Variants in IFT27 observed in about 807,000 individuals in gnomAD.
The protein encoded by IFT27 is intraflagellar transport protein 27 homolog.
A neutral mutation model predicts 23.9 loss-of-function variants in IFT27; 19 were observed. The observed-to-expected ratio is 0.79, with a 90% CI of 0.55 to 1.16. The LOEUF (loss-of-function observed/expected upper bound fraction) is 1.16, where lower values mean the gene tolerates loss of function less well. IFT27 is among the 50% of genes most tolerant of loss of function. The pLI is 0.00. For missense variants in IFT27, 206 were observed against 228.7 expected (o/e 0.90, Z 0.64); for synonymous variants, 91 against 89.1 (o/e 1.02, Z -0.12).
At position 36,767,789 on chromosome 22, in the gene IFT27, G is replaced by A. The variant is rs151029677; in HGVS notation, c.108C>T (p.Tyr36=). The A allele has an allele frequency of 1.8e-4, 296 of 1,613,960 alleles. 1 individual carries two copies. The African/African-American group carries it at 3.7e-3, about 20-fold the overall frequency. ...RSDGAHFQKS[Y]TLTTGMDLVV... The stretch of plus-strand genomic sequence containing the variant: ...TCTTGACACCCCAGCTCACCAGGGT[G>A]TAGCTTTTCTGGAAATGGGCTCCAT... The change falls in exon 2 of 7, where the codon TAC becomes TAT. Residue 36 remains tyrosine, a synonymous_variant. Coordinates refer to ENST00000433985, the MANE Select transcript of IFT27 (RefSeq NM_001177701.3).
In IFT27 at chr22:36,767,808, G is replaced by A; in HGVS notation, c.89C>T (p.Ala30Val). ...ALAQIFRSDG[A>V]HFQKSYTLTT... ...CAGGGTGTAGCTTTTCTGGAAATGG[G>A]CTCCATCACTGCGGAAGATCTGTGC... Residue 30 changes from alanine (A) to valine (V), a missense_variant, in exon 2 of 7, where the codon GCC (alanine) becomes GTC (valine). Ala to Val is a moderately conservative substitution (Grantham distance 64). Transcript: ENST00000433985. 2 of 1,614,142 alleles carry A rather than the reference G, an allele frequency of 1.2e-6. No homozygotes were observed. Among genetic ancestry groups the A allele is most frequent in the Non-Finnish European group, 1.7e-6 (2 of 1,180,000 alleles).
At chr22:36,774,358 G>A (rs1235744978) in intron 1 of IFT27, among the ~76,000 whole-genome samples, 2 of 152,154 alleles carry the variant, frequency 1.3e-5, no homozygotes, top group African/African-American at 2.4e-5. Context: ...TCTTTCCTGA[G>A]CTGGCCAGGG....
chr22:36,767,413 G>T, intron 2 of IFT27, 48 bp from the exon 3 acceptor site: 1 of 1,557,606 alleles, frequency 6.4e-7, no homozygotes, highest in South Asian at 1.2e-5. Flanking sequence ...CCCAAAGGGA[G>T]AGCATGTTAC....
chr22:36,758,460 G>A (rs373367496), intron 6 of IFT27, 51 bp from the exon 7 acceptor site: 7 of 1,374,028 alleles, frequency 5.1e-6, no homozygotes, highest in Non-Finnish European at 7.3e-6. Flanking sequence ...AGGGTCAGAG[G>A]GCCAGCTCTC....
chr22:36,770,194 C>A (rs1223814879), intron 1 of IFT27, among the ~76,000 whole-genome samples: 1 of 152,142 alleles, frequency 6.6e-6, no homozygotes, highest in Admixed American at 6.5e-5. Context: ...GGGCACGATG[C>A]GAGATCACCT....
chr22:36,766,594 T>C (rs1471444496), intron 3 of IFT27: 3 of 269,662 alleles, frequency 1.1e-5, no homozygotes, highest in Admixed American at 9.3e-5. Context: ...TTAGAACAAT[T>C]CTTTCTAAAG....
chr22:36,760,486 A>AGGAC (rs1938061087), intron 6 of IFT27: 2 of 152,354 alleles, frequency 1.3e-5, no homozygotes, highest in Admixed American at 1.3e-4. Context: ...TTACACAGTC[A>AGGAC]GGACAGCTGT....
In IFT27 at chr22:36,775,811, G is replaced by A. The variant is rs770175816; in HGVS notation, c.-104C>T. On this transcript the variant is annotated 5_prime_UTR_variant, in exon 1 of 7. Coordinates refer to ENST00000433985, the MANE Select transcript of IFT27 (RefSeq NM_001177701.3). ...TGGGCTGGCCTGGGACGGGAAGGTG[G>A]GGAGGGGAGGGCTGATCTCAAGGGT... is the stretch of plus-strand genomic sequence containing the variant. 1.1e-5 allele frequency: 13 copies of A among 1,144,376 alleles called. No individual in the cohort carries two copies. Among genetic ancestry groups the A allele is most frequent in the Non-Finnish European group, 1.7e-5 (13 of 757,330 alleles). The allele number at this position is 1,144,376 out of a possible 1,614,324, so 70.9% of individuals were successfully genotyped here. A position where few individuals can be genotyped will look rare whatever the true frequency, so the allele number is the denominator to read the frequency against.
intron 1 of IFT27, among the ~76,000 whole-genome samples, chr22:36,773,141 C>G (rs1411760394): frequency 6.6e-6 from 1 of 151,972 alleles, no homozygotes; most frequent in African/African-American, 2.4e-5. Context: ...AGGTGGATCA[C>G]TTGAGGTCTG....
intron 6 of IFT27, chr22:36,761,628 A>T (rs1938092697): frequency 6.6e-6 from 1 of 152,184 alleles, no homozygotes; most frequent in African/African-American, 2.4e-5. Flanking sequence ...TGATTCTCAT[A>T]TTTATTACTC....
At chr22:36,758,559 GTT>G in intron 6 of IFT27, 150 bp from the exon 7 acceptor site, 1 of 628,456 alleles carries the variant, frequency 1.6e-6, no homozygotes. Flanking sequence ...ATGGATGCCA[GTT>G]TTACAAGAAG....
In IFT27 at chr22:36,767,752, G is replaced by A. The variant is rs1410804156; in HGVS notation, c.114+31C>T. Reference sequence around the variant, plus strand: ...TGGTGAACCGAGCACTTCTCTATAAGCTGTGGCCAGGTCTTGACACCCCAG... The same window carrying A: ...TGGTGAACCGAGCACTTCTCTATAAACTGTGGCCAGGTCTTGACACCCCAG... On this transcript the variant is annotated intron_variant, in intron 2 of 6. Transcript: ENST00000433985. The A allele has an allele frequency of 3.8e-6, 6 of 1,577,734 alleles. No individual in the cohort carries two copies. In the South Asian group the frequency reaches 4.4e-5, roughly 12 times the overall value.
At chr22:36,773,654 CAA>C (rs35651506) in intron 1 of IFT27, among the ~76,000 whole-genome samples, 80 of 110,468 alleles carry the variant, frequency 7.2e-4, no homozygotes, top group African/African-American at 2.7e-3. Flanking sequence ...AACTCCGTCT[CAA>C]AAAAAAAAAA....
chr22:36,770,254 CCTTGA>C (rs1453396213), intron 1 of IFT27, among the ~76,000 whole-genome samples: 1 of 152,196 alleles, frequency 6.6e-6, no homozygotes, highest in Non-Finnish European at 1.5e-5. Context: ...TTCTCATCCT[CCTTGA>C]CTTCTCTGAA....
intron 1 of IFT27, among the ~76,000 whole-genome samples, chr22:36,774,630 A>G (rs1355041750): frequency 6.9e-6 from 1 of 145,430 alleles, no homozygotes; most frequent in Non-Finnish European, 1.5e-5. Flanking sequence ...CAACATGGTG[A>G]AACCCCAGCT....
At chr22:36,769,961 A>C (rs1938354293) in intron 1 of IFT27, among the ~76,000 whole-genome samples, 1 of 152,240 alleles carries the variant, frequency 6.6e-6, no homozygotes, top group Admixed American at 6.5e-5. Context: ...GAGGGCTCAG[A>C]AGCACAGGGA....
intron 1 of IFT27, chr22:36,768,440 C>T (rs1938312521): frequency 1.3e-5 from 3 of 229,746 alleles, no homozygotes; most frequent in Non-Finnish European, 2.6e-5. Context: ...CGCAGAATAC[C>T]TGTCTGTGAC....
intron 4 of IFT27, 112 bp downstream of exon 4, chr22:36,766,026 A>G: frequency 1.1e-6 from 1 of 881,038 alleles, no homozygotes; most frequent in Non-Finnish European, 1.9e-6. Context: ...GAGTAATGCC[A>G]TGGGAGCTTC....
At chr22:36,765,797 C>G (rs1179515796) in intron 4 of IFT27, among the ~76,000 whole-genome samples, 3 of 152,186 alleles carry the variant, frequency 2.0e-5, no homozygotes, top group African/African-American at 7.2e-5. Context: ...AGGAGGCAGT[C>G]TGTACTGTCT....
Sources: gnomAD v4.1 joint callset for allele counts (sites outside exome capture counted in the v4.1 genomes callset) on GRCh38, gnomAD v4.1.1 for gene constraint, MANE v1.5 for transcripts, NCBI Gene and HGNC (gene_info 2026-07-23, HGNC 2026-07-21) for gene names.